SMIM8: variants seen among roughly 807,000 people sequenced by gnomAD.
SMIM8 encodes UPF0708 protein C6orf162.
In SMIM8, 8 loss-of-function variants were observed where a neutral mutation model predicts 8.1. That is an observed-to-expected ratio of 0.99 (90% CI 0.58 to 1.78). The LOEUF is 1.78. Ranked by LOEUF, SMIM8 falls within the 40% of genes most tolerant of loss-of-function variation. SMIM8 has a pLI of 0.00. For synonymous variants in SMIM8, 45 were observed against 39.7 expected (o/e 1.13, Z -0.50); for missense variants, 126 against 119.8 (o/e 1.05, Z -0.24).
chr6:87,330,150 G>A (rs1746444), intron 1 of SMIM8, among the ~76,000 whole-genome samples: 1 of 151,940 alleles, frequency 6.6e-6, no homozygotes, highest in African/African-American at 2.4e-5. Context: ...CTGCCCCAAA[G>A]TTCAAGTTAG....
chr6:87,340,149 C>A lies in SMIM8; in HGVS notation c.169C>A (p.Leu57Ile). Residue 57 changes from leucine (L) to isoleucine (I), a missense_variant, in exon 4 of 4, where the codon CTT becomes ATT. Transcript: ENST00000392863. ...TGTAATGGCTTTCGGATTGGTAACT[C>A]TTTCACTTTGCGTGGCATATATTGG... ...KPVMAFGLVT[L>I]SLCVAYIGYL... 1 of 1,600,304 alleles carries A rather than the reference C, an allele frequency of 6.2e-7. No homozygotes were observed. Among genetic ancestry groups the A allele is most frequent in the Non-Finnish European group, 8.5e-7 (1 of 1,175,460 alleles).
At chr6:87,327,836 A>G (rs1413209945) in intron 1 of SMIM8, among the ~76,000 whole-genome samples, 2 of 149,118 alleles carry the variant, frequency 1.3e-5, no homozygotes, top group Non-Finnish European at 3.0e-5. Flanking sequence ...CCTGGATAAT[A>G]TCCTGCAGAG....
intron 1 of SMIM8, among the ~76,000 whole-genome samples, chr6:87,324,517 T>C (rs2127914791): frequency 6.6e-6 from 1 of 151,068 alleles, no homozygotes; most frequent in East Asian, 1.9e-4. Flanking sequence ...CACCATTTAT[T>C]AAATAGGGAA....
chr6:87,330,653 T>G (rs1284829638), intron 1 of SMIM8, 39 bp from the exon 2 acceptor site: 1 of 152,168 alleles, frequency 6.6e-6, no homozygotes, highest in Non-Finnish European at 1.5e-5. Context: ...GTCCTTTATC[T>G]TTGCTTCTTC....
In SMIM8 at chr6:87,334,434, CTTGTTTGTTTGT is replaced by C. The variant is rs75607753; in HGVS notation, c.-23-2556_-23-2545del. Among the ~76,000 whole-genome samples the C allele has an allele frequency of 1.8e-4, 28 of 151,634 alleles. No homozygotes were observed. The South Asian group carries it at 3.8e-3, about 20-fold the overall frequency. On this transcript the variant is annotated intron_variant, in intron 2 of 3. Transcript: ENST00000392863. ...AAATTGCTGGTTACAGCTTCAGTGG[CTTGTTTGTTTGT>C]TTGTTTGTTTGTTTGTTTTTGGATA... is the stretch of plus-strand genomic sequence containing the variant.
chr6:87,327,386 A>C (rs28896846), intron 1 of SMIM8, among the ~76,000 whole-genome samples: 95,005 of 151,310 alleles, frequency 0.63, 30,138 homozygotes, highest in African/African-American at 0.7. Flanking sequence ...TTGGCAATGG[A>C]TGGTACAGGT....
Position 87,341,338 on chromosome 6 carries a change from C to T in SMIM8, c.*1064C>T, listed in dbSNP as rs1777229177. ...AAAGCCTAGCCCTACGGTCAGTACC[C>T]ACTGGAGGTGAGAAGCAGAATGGCC... On this transcript the variant is annotated 3_prime_UTR_variant, in exon 4 of 4. Transcript: ENST00000392863. 1 of 398,390 alleles carries T rather than the reference C, an allele frequency of 2.5e-6. No homozygotes were observed. Among genetic ancestry groups the T allele is most frequent in the Non-Finnish European group, 4.4e-6 (1 of 225,976 alleles). 24.7% of individuals were successfully genotyped at this position (398,390 alleles called of 1,614,324 possible). A position where few individuals can be genotyped will look rare whatever the true frequency, so the allele number is the denominator to read the frequency against.
chr6:87,341,866 G>T lies in SMIM8; in HGVS notation c.*1592G>T, dbSNP rs1168757871. Reference sequence around the variant, plus strand: ...ACTCTTTTGTTTTTGTTTTCCCTGTGTATTTTGGCTATCACAAAACTAGGG... The same window carrying T: ...ACTCTTTTGTTTTTGTTTTCCCTGTTTATTTTGGCTATCACAAAACTAGGG... On this transcript the variant is annotated 3_prime_UTR_variant, in exon 4 of 4. Coordinates refer to ENST00000392863, the MANE Select transcript of SMIM8 (RefSeq NM_001042493.3). 2 of 152,128 alleles carry T rather than the reference G, an allele frequency of 1.3e-5. No homozygotes were observed. Among genetic ancestry groups the T allele is most frequent in the Non-Finnish European group, 2.9e-5 (2 of 68,012 alleles). The allele number at this position is 152,128 out of a possible 1,614,324, so 9.4% of individuals were successfully genotyped here. A position where few individuals can be genotyped will look rare whatever the true frequency, so the allele number is the denominator to read the frequency against.
chr6:87,339,285 G>C (rs1397332632), intron 3 of SMIM8, among the ~76,000 whole-genome samples: 1 of 151,856 alleles, frequency 6.6e-6, no homozygotes, highest in Non-Finnish European at 1.5e-5. Flanking sequence ...CTGGGCAACA[G>C]AATGAAATCC....
chr6:87,324,516 T>C (rs1160750586), intron 1 of SMIM8, among the ~76,000 whole-genome samples: 1 of 150,944 alleles, frequency 6.6e-6, no homozygotes, highest in African/African-American at 2.5e-5. Context: ...GCACCATTTA[T>C]TAAATAGGGA....
intron 1 of SMIM8, among the ~76,000 whole-genome samples, chr6:87,323,719 A>G (rs1250932241): frequency 6.6e-6 from 1 of 152,106 alleles, no homozygotes; most frequent in East Asian, 1.9e-4. Context: ...ATTGTGAATA[A>G]TGCCGCAATA....
chr6:87,339,232 TTTGAGACTGCAGTGAGC>T (rs1777169166), intron 3 of SMIM8, among the ~76,000 whole-genome samples: 1 of 151,846 alleles, frequency 6.6e-6, no homozygotes, highest in African/African-American at 2.4e-5. Flanking sequence ...AGCCCAGGAG[TTTGAGACTGCAGTGAGC>T]TATGATTGCA....
intron 1 of SMIM8, 69 bp downstream of exon 1, chr6:87,322,701 T>C (rs1308384209): frequency 6.6e-6 from 1 of 152,156 alleles, no homozygotes; most frequent in Non-Finnish European, 1.5e-5. Context: ...GGCCGCACCA[T>C]CACGCTCCCG....
Position 87,341,500 on chromosome 6 carries a change from C to T in SMIM8, c.*1226C>T, listed in dbSNP as rs1777234424. The T allele has an allele frequency of 2.6e-6, 1 of 387,326 alleles. No individual in the cohort carries two copies. Among genetic ancestry groups the T allele is most frequent in the Non-Finnish European group, 4.6e-6 (1 of 219,644 alleles). 24.0% of individuals were successfully genotyped at this position (387,326 alleles called of 1,614,324 possible). A position where few individuals can be genotyped will look rare whatever the true frequency, so the allele number is the denominator to read the frequency against. ...GACCCGTTTCATTTCTAGATATATA[C>T]CTAATTCTCCAAATCATTGTCATTG... On this transcript the variant is annotated 3_prime_UTR_variant, in exon 4 of 4. Coordinates refer to ENST00000392863, the MANE Select transcript of SMIM8 (RefSeq NM_001042493.3).
In SMIM8 at chr6:87,337,025, G is replaced by A. The variant is rs201298104; in HGVS notation, c.-7G>A. ...TGTTTTTAGATAATAAATCATCATT[G>A]ATCAAGATGTCTTCAGCACCTGAGC... On this transcript the variant is annotated 5_prime_UTR_variant, in exon 3 of 4. Transcript: ENST00000392863. The A allele has an allele frequency of 3.8e-6, 6 of 1,587,774 alleles. No homozygotes were observed. The highest frequency in any genetic ancestry group is 5.1e-6 in the Non-Finnish European group (6 of 1,170,794).
intron 2 of SMIM8, among the ~76,000 whole-genome samples, chr6:87,335,870 A>G (rs996892475): frequency 7.2e-6 from 1 of 138,458 alleles, no homozygotes; most frequent in African/African-American, 2.7e-5. Context: ...AAAAAAAAAA[A>G]GCCAGGTGTG....
chr6:87,336,668 C>T (rs907218844), intron 2 of SMIM8, among the ~76,000 whole-genome samples: 3 of 152,090 alleles, frequency 2.0e-5, no homozygotes, highest in African/African-American at 4.8e-5. Flanking sequence ...AGGAAAGGAA[C>T]GGATAACCTA....
rs58307492 is a variant in SMIM8, at chr6:87,338,906, C to CTTTTTT, written c.136-1195_136-1190dup. 2.1e-4 allele frequency among the ~76,000 whole-genome samples: 24 copies of CTTTTTT among 116,098 alleles called. 1 individual carries two copies. Among genetic ancestry groups the CTTTTTT allele is most frequent in the African/African-American group, 2.7e-4 (8 of 29,254 alleles). 76.2% of individuals were successfully genotyped at this position (116,098 alleles called of 152,430 possible). A position where few individuals can be genotyped will look rare whatever the true frequency, so the allele number is the denominator to read the frequency against. ...TGAACATCTTTCCTGTATTTAAAAG[C>CTTTTTT]TTTTTTTTTTTTTTTTTTTTGACTG... On this transcript the variant is annotated intron_variant, in intron 3 of 3. Transcript: ENST00000392863.
At chr6:87,337,775 C>T (rs534469990) in intron 3 of SMIM8, among the ~76,000 whole-genome samples, 3 of 152,210 alleles carry the variant, frequency 2.0e-5, no homozygotes, top group Non-Finnish European at 2.9e-5. Context: ...TACAGGTGCA[C>T]GCCTTTATGC....
Sources: allele counts gnomAD v4.1 joint callset (sites outside exome capture counted in the v4.1 genomes callset), GRCh38; gene constraint gnomAD v4.1.1; transcripts MANE v1.5; gene names NCBI Gene and HGNC (gene_info 2026-07-23, HGNC 2026-07-21).